Variants in ADGRG6 observed in about 807,000 individuals in gnomAD.
ADGRG6 encodes G-protein coupled receptor 126.
In ADGRG6, 84 loss-of-function variants were observed where a neutral mutation model predicts 142.4. The observed-to-expected ratio is 0.59, with a 90% CI of 0.49 to 0.71. The LOEUF (loss-of-function observed/expected upper bound fraction) is 0.71. Ranked by LOEUF, ADGRG6 falls within the 30% of genes least tolerant of loss-of-function variation. The pLI is 0.00. For missense variants in ADGRG6, 1,367 were observed against 1,466.6 expected (o/e 0.93, Z 1.11); for synonymous variants, 521 against 520.5 (o/e 1.00, Z -0.01).
At chr6:142,440,789 G>A in intron 24 of ADGRG6, 1 of 610,914 alleles carries the variant, frequency 1.6e-6, no homozygotes, top group East Asian at 3.2e-5. Context: ...AGTTCTCAGT[G>A]GAACAGTTAG....
chr6:142,398,118 G>A (rs946898354), intron 10 of ADGRG6, among the ~76,000 whole-genome samples: 19 of 152,238 alleles, frequency 1.2e-4, no homozygotes, highest in Middle Eastern at 3.4e-3. Context: ...TCTTATAGAA[G>A]GAGATTTCCT....
intron 10 of ADGRG6, 91 bp from the exon 11 acceptor site, chr6:142,400,394 G>A: frequency 3.1e-6 from 2 of 655,692 alleles, no homozygotes; most frequent in South Asian, 3.6e-5. Flanking sequence ...CTAATTACCA[G>A]CATTGTCATT....
At chr6:142,348,925 G>C (rs943089155) in intron 2 of ADGRG6, among the ~76,000 whole-genome samples, 10 of 151,454 alleles carry the variant, frequency 6.6e-5, no homozygotes, top group Admixed American at 6.6e-4. Flanking sequence ...TTTTTTTCTT[G>C]ATCTTATGGG....
intron 20 of ADGRG6, 81 bp from the exon 21 acceptor site, chr6:142,417,177 CTTCTTTTCATTTCTT>C (rs1408693405): frequency 2.6e-6 from 2 of 766,838 alleles, no homozygotes; most frequent in African/African-American, 1.7e-5. Flanking sequence ...TTGCATTTCT[CTTCTTTTCATTTCTT>C]TTCTTTACAT....
At chr6:142,414,004 T>C (rs997172739) in intron 18 of ADGRG6, among the ~76,000 whole-genome samples, 1 of 151,818 alleles carries the variant, frequency 6.6e-6, no homozygotes, top group African/African-American at 2.4e-5. Flanking sequence ...GCAATTTACA[T>C]ATAGAAGGAA....
intron 2 of ADGRG6, among the ~76,000 whole-genome samples, chr6:142,324,991 A>G (rs1293085424): frequency 6.6e-6 from 1 of 152,178 alleles, no homozygotes; most frequent in Non-Finnish European, 1.5e-5. Flanking sequence ...TATGTTGTAA[A>G]CAAATAGAAT....
intron 4 of ADGRG6, 62 bp downstream of exon 4, chr6:142,370,855 T>A (rs777803937): frequency 6.6e-7 from 1 of 1,514,172 alleles, no homozygotes; most frequent in Non-Finnish European, 9.1e-7. Context: ...AATATGATTG[T>A]CAACAAAGAA....
At chr6:142,437,620 C>T (rs1777548346) in intron 23 of ADGRG6, 85 bp downstream of exon 23, 2 of 742,706 alleles carry the variant, frequency 2.7e-6, no homozygotes, top group Non-Finnish European at 5.0e-6. Flanking sequence ...GCAACCCAGT[C>T]CCAGTGGTAG....
At chr6:142,339,148 T>G (rs1339008886) in intron 2 of ADGRG6, among the ~76,000 whole-genome samples, 1 of 152,200 alleles carries the variant, frequency 6.6e-6, no homozygotes, top group Non-Finnish European at 1.5e-5. Context: ...CATCTTTATG[T>G]TTTTGAGTCA....
intron 2 of ADGRG6, among the ~76,000 whole-genome samples, chr6:142,311,375 T>A (rs1777761330): frequency 6.6e-6 from 1 of 151,908 alleles, no homozygotes; most frequent in African/African-American, 2.4e-5. Flanking sequence ...ATCACTCTAA[T>A]AATGACTCAT....
chr6:142,371,459 G>A (rs1477978024), intron 4 of ADGRG6, among the ~76,000 whole-genome samples: 2 of 146,218 alleles, frequency 1.4e-5, no homozygotes, highest in Admixed American at 6.9e-5. Flanking sequence ...GAGCCACCCT[G>A]CCTGGCCAGT....
intron 5 of ADGRG6, among the ~76,000 whole-genome samples, chr6:142,382,278 A>G (rs1020621995): frequency 3.9e-5 from 6 of 152,158 alleles, no homozygotes; most frequent in African/African-American, 1.4e-4. Context: ...TATCCTATTA[A>G]ATATGGATTG....
chr6:142,394,538 G>C (rs1036088437), intron 9 of ADGRG6, among the ~76,000 whole-genome samples: 3 of 150,474 alleles, frequency 2.0e-5, no homozygotes, highest in Admixed American at 6.6e-5. Flanking sequence ...AATAAATTTA[G>C]TTGTATTTAG....
intron 2 of ADGRG6, among the ~76,000 whole-genome samples, chr6:142,326,588 A>G (rs1778792053): frequency 6.6e-6 from 1 of 151,824 alleles, no homozygotes; most frequent in Non-Finnish European, 1.5e-5. Flanking sequence ...CTCCTTGTAC[A>G]GAACAGAGTT....
At position 142,303,457 on chromosome 6, in the gene ADGRG6, A is replaced by G. The variant is rs1777327261; in HGVS notation, c.2+1126A>G. ...GCCTAGCACTCTGTAACTCTGTTCCAGGTACTGTGAGATGTAATCAGAAAT... is the reference window on the plus strand; with the variant it reads ...GCCTAGCACTCTGTAACTCTGTTCCGGGTACTGTGAGATGTAATCAGAAAT... On this transcript the variant is annotated intron_variant, in intron 1 of 24. Transcript: ENST00000367609. Among the ~76,000 whole-genome samples, 3 of 152,368 alleles carry G rather than the reference A, an allele frequency of 2.0e-5. No individual in the cohort carries two copies. The South Asian group carries it at 6.2e-4, about 32-fold the overall frequency.
In ADGRG6 at chr6:142,337,927, T is replaced by A. The variant is rs942441743; in HGVS notation, c.103+28283T>A. Among the ~76,000 whole-genome samples, 3 of 151,680 alleles carry A rather than the reference T, an allele frequency of 2.0e-5. No homozygotes were observed. In the South Asian group the frequency reaches 6.2e-4, roughly 32 times the overall value. On this transcript the variant is annotated intron_variant, in intron 2 of 24. Transcript: ENST00000367609. ...TCAGTGAATAATTATATCTGATCATTTATATACATCTGACACTGAATTTAT... is the reference window on the plus strand; with the variant it reads ...TCAGTGAATAATTATATCTGATCATATATATACATCTGACACTGAATTTAT...
chr6:142,376,259 G>A (rs1229993816), intron 4 of ADGRG6, among the ~76,000 whole-genome samples: 1 of 152,184 alleles, frequency 6.6e-6, no homozygotes, highest in Non-Finnish European at 1.5e-5. Context: ...AGAACAGACA[G>A]TGCCTTCTCT....
At chr6:142,305,863 C>G (rs1777469327) in intron 1 of ADGRG6, among the ~76,000 whole-genome samples, 1 of 151,766 alleles carries the variant, frequency 6.6e-6, no homozygotes, top group East Asian at 2.0e-4. Context: ...GAGGTACACC[C>G]AGCTTAATAA....
intron 22 of ADGRG6, among the ~76,000 whole-genome samples, chr6:142,434,936 T>C (rs1188753460): frequency 6.6e-6 from 1 of 152,116 alleles, no homozygotes. Flanking sequence ...AGGGCCGCTT[T>C]GAATCTTCGT....
Sources: gnomAD v4.1 joint callset for allele counts (sites outside exome capture counted in the v4.1 genomes callset) on GRCh38, gnomAD v4.1.1 for gene constraint, MANE v1.5 for transcripts, NCBI Gene and HGNC (gene_info 2026-07-23, HGNC 2026-07-21) for gene names.